RPSA2: variants seen among roughly 807,000 people sequenced by gnomAD.
RPSA2 encodes small ribosomal subunit protein uS2B.
the RPSA2 span, among the ~76,000 whole-genome samples, chr19:23,793,835 G>T: frequency 6.6e-6 from 1 of 152,014 alleles, no homozygotes; most frequent in Non-Finnish European, 1.5e-5. Flanking sequence ...AAGTGCTGGG[G>T]TTACAGGTGT....
the RPSA2 span, among the ~76,000 whole-genome samples, chr19:23,773,015 A>T: frequency 6.6e-6 from 1 of 152,164 alleles, no homozygotes; most frequent in Non-Finnish European, 1.5e-5. Context: ...GGTTGCATTG[A>T]GTTGAGATCG....
chr19:23,839,744 G>A, the RPSA2 span, among the ~76,000 whole-genome samples: 1 of 152,192 alleles, frequency 6.6e-6, no homozygotes, highest in Non-Finnish European at 1.5e-5. Flanking sequence ...GTGCCAGGCA[G>A]GAATGGGCTC....
At chr19:23,827,718 G>A in the RPSA2 span, 20 of 1,581,716 alleles carry the variant, frequency 1.3e-5, no homozygotes, top group Middle Eastern at 1.7e-4. Flanking sequence ...CTGCGCATGC[G>A]TGGCACCATT....
the RPSA2 span, among the ~76,000 whole-genome samples, chr19:23,779,919 C>T: frequency 3.3e-5 from 5 of 152,180 alleles, no homozygotes; most frequent in Non-Finnish European, 7.3e-5. Flanking sequence ...TGTGACTCTC[C>T]TGCCTTGTCA....
At chr19:23,842,077 A>G in the RPSA2 span, among the ~76,000 whole-genome samples, 4 of 152,248 alleles carry the variant, frequency 2.6e-5, no homozygotes, top group Admixed American at 6.5e-5. Context: ...AATGATTGAC[A>G]TCACTGGTGA....
At chr19:23,804,626 T>C in the RPSA2 span, among the ~76,000 whole-genome samples, 2 of 152,128 alleles carry the variant, frequency 1.3e-5, no homozygotes, top group Admixed American at 6.6e-5. Context: ...GTGCTAATAA[T>C]GAGCCCAGAG....
At chr19:23,869,969 G>T in the RPSA2 span, among the ~76,000 whole-genome samples, 1 of 152,176 alleles carries the variant, frequency 6.6e-6, no homozygotes, top group Admixed American at 6.5e-5. Context: ...AATCTTGCTG[G>T]TTATATCACT....
chr19:23,850,093 C>G, the RPSA2 span, among the ~76,000 whole-genome samples: 1 of 151,832 alleles, frequency 6.6e-6, no homozygotes, highest in Non-Finnish European at 1.5e-5. Flanking sequence ...ACATTAAATG[C>G]AGTGCCGCCT....
the RPSA2 span, chr19:23,758,899 C>T: frequency 9.6e-7 from 1 of 1,046,780 alleles, no homozygotes; most frequent in Non-Finnish European, 1.4e-6. Context: ...GACAAAGGCC[C>T]CGCCAATCCC....
At chr19:23,758,900 C>A in the RPSA2 span, 18 of 1,047,090 alleles carry the variant, frequency 1.7e-5, no homozygotes, top group South Asian at 6.0e-5. Flanking sequence ...ACAAAGGCCC[C>A]GCCAATCCCG....
chr19:23,769,361 C>T, the RPSA2 span, among the ~76,000 whole-genome samples: 21 of 151,748 alleles, frequency 1.4e-4, no homozygotes, highest in South Asian at 8.3e-4. Context: ...TCTCTTTTTT[C>T]GAGATGGAGT....
chr19:23,781,258 C>T, the RPSA2 span, among the ~76,000 whole-genome samples: 6 of 151,820 alleles, frequency 4.0e-5, no homozygotes, highest in East Asian at 3.9e-4. Context: ...CAGGTGTGAC[C>T]GCCATGCGTG....
chr19:23,758,678 C>T, the RPSA2 span: 3 of 1,613,058 alleles, frequency 1.9e-6, no homozygotes, highest in Non-Finnish European at 2.5e-6. Flanking sequence ...GTGGAGCTGA[C>T]TGCGGCGAGG....
chr19:23,823,137 C>T, the RPSA2 span, among the ~76,000 whole-genome samples: 1 of 152,200 alleles, frequency 6.6e-6, no homozygotes. Flanking sequence ...CATTGTATTT[C>T]ACAGAGAGTT....
At chr19:23,866,777 C>T in the RPSA2 span, among the ~76,000 whole-genome samples, 2 of 152,088 alleles carry the variant, frequency 1.3e-5, no homozygotes, top group African/African-American at 4.8e-5. Flanking sequence ...TTAGATATCC[C>T]CACCAGAGAT....
chr19:23,841,065 T>C, the RPSA2 span, among the ~76,000 whole-genome samples: 1 of 149,060 alleles, frequency 6.7e-6, no homozygotes, highest in Non-Finnish European at 1.5e-5. Flanking sequence ...TTATGATTTA[T>C]GTTTTTTTGG....
At chr19:23,836,965 A>G in the RPSA2 span, among the ~76,000 whole-genome samples, 81 of 152,212 alleles carry the variant, frequency 5.3e-4, 5 homozygotes, top group Non-Finnish European at 5.9e-5. Context: ...TCCTTTTGCC[A>G]TGCCAAAGCT....
chr19:23,761,912 CTTTCTTTCT>C, the RPSA2 span, among the ~76,000 whole-genome samples: 5,477 of 32,784 alleles, frequency 0.17, 583 homozygotes, highest in South Asian at 0.36. Flanking sequence ...TTCTTTCTTT[CTTTCTTTCT>C]TTTTTTTTTT....
At chr19:23,851,300 G>A in the RPSA2 span, among the ~76,000 whole-genome samples, 2,191 of 152,290 alleles carry the variant, frequency 0.014, 26 homozygotes, top group Non-Finnish European at 0.023. Flanking sequence ...AGTAAGCTTA[G>A]CCTCTTTCCA....
Sources: allele counts gnomAD v4.1 joint callset (sites outside exome capture counted in the v4.1 genomes callset), GRCh38; gene constraint gnomAD v4.1.1; transcripts MANE v1.5; gene names NCBI Gene and HGNC (gene_info 2026-07-23, HGNC 2026-07-21).